The following SLC37A1 variants were observed in gnomAD, a reference collection of about 807,000 sequenced individuals.
The protein encoded by SLC37A1 is glucose-6-phosphate exchanger SLC37A1.
Under a neutral mutation model 75.3 loss-of-function variants are expected in SLC37A1, and 49 were observed. That is an observed-to-expected ratio of 0.65 (90% CI 0.52 to 0.83). SLC37A1 has a LOEUF of 0.83. SLC37A1 is among the 40% of genes least tolerant of loss of function. The probability of loss-of-function intolerance (pLI) is 0.00; values close to 1 mark genes in which losing one functional copy is unlikely to be tolerated. For synonymous variants in SLC37A1, 268 were observed against 292.1 expected, an observed-to-expected ratio of 0.92 and a Z score of 0.84; for missense variants, 566 against 695.0, an observed-to-expected ratio of 0.81 and a Z score of 2.09.
chr21:42,551,096 AT>A (rs2055545852), intron 9 of SLC37A1, among the ~76,000 whole-genome samples: 1 of 152,264 alleles, frequency 6.6e-6, no homozygotes, highest in Non-Finnish European at 1.5e-5. Context: ...TATAAACGGC[AT>A]GCAGATTAGA....
Position 42,528,777 on chromosome 21 carries a change from C to T in SLC37A1, c.138+2920C>T, listed in dbSNP as rs144192517. On this transcript the variant is annotated intron_variant, in intron 3 of 19. Coordinates refer to ENST00000352133, the MANE Select transcript of SLC37A1 (RefSeq NM_001320537.2). ...CCGGGAGGCGAAGTTTGCAGTGAGC[C>T]GAGAGCGCACCATTGCCCTCCAGCC... is the stretch of plus-strand genomic sequence containing the variant. 2.2e-3 allele frequency among the ~76,000 whole-genome samples: 342 copies of T among 152,216 alleles called. 1 individual carries two copies. The highest frequency in any genetic ancestry group is 7.6e-3 in the African/African-American group (317 of 41,526).
At chr21:42,537,621 C>A (rs541068908) in intron 5 of SLC37A1, among the ~76,000 whole-genome samples, 4 of 152,136 alleles carry the variant, frequency 2.6e-5, no homozygotes, top group Non-Finnish European at 2.9e-5. Flanking sequence ...CTACAACACA[C>A]AGGACAGCCC....
In SLC37A1 at chr21:42,553,072, GT is replaced by G. The variant is rs539058278; in HGVS notation, c.769-989del. On this transcript the variant is annotated intron_variant, in intron 9 of 19. Coordinates refer to ENST00000352133, the MANE Select transcript of SLC37A1 (RefSeq NM_001320537.2). The stretch of plus-strand genomic sequence containing the variant: ...GGGGAAATGCCTCGAAATGTAAAGG[GT>G]GGGATCCAACTGTCCATCTGAACGG... Among the ~76,000 whole-genome samples the G allele has an allele frequency of 2.6e-3, 390 of 152,294 alleles. 4 individuals are homozygous for G. The highest frequency in any genetic ancestry group is 1.6e-3 in the Non-Finnish European group (112 of 68,018).
chr21:42,542,348 G>C, intron 6 of SLC37A1, 56 bp from the exon 7 acceptor site: 1 of 1,541,948 alleles, frequency 6.5e-7, no homozygotes, highest in Non-Finnish European at 8.9e-7. Flanking sequence ...CCTCCCTGCA[G>C]CGCTGTCCCG....
In SLC37A1 at chr21:42,579,813, C is replaced by CG; in HGVS notation, c.1586+16dup. ...GGGACCAAGTTCCGTAAGTCCCACT[C>CG]GGGCCCTGTCTCCGTGCGTGAAAGC... On this transcript the variant is annotated intron_variant, in intron 19 of 19. Transcript: ENST00000352133. 1 of 1,613,752 alleles carries CG rather than the reference C, an allele frequency of 6.2e-7. No individual in the cohort carries two copies. The highest frequency in any genetic ancestry group is 8.5e-7 in the Non-Finnish European group (1 of 1,179,836).
chr21:42,520,610 A>C (rs1314347321), intron 2 of SLC37A1, among the ~76,000 whole-genome samples: 2 of 152,070 alleles, frequency 1.3e-5, no homozygotes, highest in Non-Finnish European at 2.9e-5. Context: ...TAAACTGGTG[A>C]TGGTCGATAT....
chr21:42,558,570 TA>T (rs1723977440), intron 10 of SLC37A1, among the ~76,000 whole-genome samples: 1 of 152,256 alleles, frequency 6.6e-6, no homozygotes, highest in South Asian at 2.1e-4. Flanking sequence ...TAATGTGTCA[TA>T]AGCATTTTCC....
At chr21:42,562,044 T>G in intron 11 of SLC37A1, 34 bp from the exon 12 acceptor site, 1 of 1,564,474 alleles carries the variant, frequency 6.4e-7, no homozygotes, top group Non-Finnish European at 8.8e-7. Flanking sequence ...TGACTCCACA[T>G]TTGGAGGAGA....
At chr21:42,551,931 A>T (rs2055569276) in intron 9 of SLC37A1, among the ~76,000 whole-genome samples, 1 of 152,040 alleles carries the variant, frequency 6.6e-6, no homozygotes, top group South Asian at 2.1e-4. Context: ...GGCTTTGCTG[A>T]CCTTGTACCT....
intron 3 of SLC37A1, among the ~76,000 whole-genome samples, chr21:42,530,595 T>TGCACACAC (rs2054923243): frequency 9.7e-6 from 1 of 103,130 alleles, no homozygotes; most frequent in African/African-American, 3.4e-5. Context: ...ATGCAGATGA[T>TGCACACAC]ACACACACAC....
chr21:42,527,413 G>C (rs8128011), intron 3 of SLC37A1, among the ~76,000 whole-genome samples: 6,412 of 152,142 alleles, frequency 0.042, 433 homozygotes, highest in African/African-American at 0.14. Flanking sequence ...CCTGACTCTC[G>C]TGTGTAGTGG....
intron 3 of SLC37A1, among the ~76,000 whole-genome samples, chr21:42,529,564 A>T (rs770626728): frequency 4.4e-4 from 67 of 152,216 alleles, no homozygotes; most frequent in Non-Finnish European, 8.4e-4. Context: ...CAAAAAAGTA[A>T]AATAAAATAA....
chr21:42,519,447 G>A (rs1052583355), intron 2 of SLC37A1, among the ~76,000 whole-genome samples: 1 of 152,204 alleles, frequency 6.6e-6, no homozygotes, highest in African/African-American at 2.4e-5. Context: ...TAAGAGTCCT[G>A]TTTCCCTGGC....
At chr21:42,554,721 C>G (rs754121847) in intron 10 of SLC37A1, among the ~76,000 whole-genome samples, 1 of 152,190 alleles carries the variant, frequency 6.6e-6, no homozygotes, top group African/African-American at 2.4e-5. Context: ...ATGAGGAATT[C>G]CGGACACAGA....
At position 42,548,691 on chromosome 21, in the gene SLC37A1, C is replaced by T. The variant is rs983461011; in HGVS notation, c.768+1551C>T. 6.6e-6 allele frequency among the ~76,000 whole-genome samples: 1 copy of T among 152,232 alleles called. No homozygotes were observed. The highest frequency in any genetic ancestry group is 1.5e-5 in the Non-Finnish European group (1 of 68,046). On this transcript the variant is annotated intron_variant, in intron 9 of 19. Coordinates refer to ENST00000352133, the MANE Select transcript of SLC37A1 (RefSeq NM_001320537.2). This position sits in a 1 kb window ranked among gnomAD's most constrained non-coding sequence, Gnocchi z 5.6. ...CGCACTTGCAGAGACTGTATTGATA[C>T]AGACGCCAGAGCACATCAGCCCTTG...
At chr21:42,571,562 T>C (rs1210462326) in intron 17 of SLC37A1, among the ~76,000 whole-genome samples, 1 of 152,080 alleles carries the variant, frequency 6.6e-6, no homozygotes, top group African/African-American at 2.4e-5. Flanking sequence ...GGCAGCCAAT[T>C]TCAGCTGCCT....
intron 6 of SLC37A1, 120 bp downstream of exon 6, chr21:42,539,767 A>C: frequency 1.0e-6 from 1 of 994,330 alleles, no homozygotes; most frequent in Non-Finnish European, 1.4e-6. Flanking sequence ...GTCCTGTCGG[A>C]AGTCAGGGTC....
intron 18 of SLC37A1, among the ~76,000 whole-genome samples, chr21:42,579,030 G>A (rs2056363339): frequency 2.0e-5 from 3 of 152,188 alleles, no homozygotes; most frequent in African/African-American, 7.2e-5. Flanking sequence ...CTTGGGGAGA[G>A]ACTGGATCCA....
intron 1 of SLC37A1, among the ~76,000 whole-genome samples, chr21:42,516,026 T>C (rs868769689): frequency 1.3e-5 from 2 of 152,194 alleles, no homozygotes; most frequent in African/African-American, 4.8e-5. Context: ...CCCAAAGTGC[T>C]GGGATTGCAG....
Sources: allele counts gnomAD v4.1 joint callset (sites outside exome capture counted in the v4.1 genomes callset), GRCh38; gene constraint gnomAD v4.1.1; non-coding constraint Gnocchi (gnomAD v3.1); transcripts MANE v1.5; gene names NCBI Gene and HGNC (gene_info 2026-07-23, HGNC 2026-07-21).